The following MRTFB variants were observed in gnomAD, a reference collection of about 807,000 sequenced individuals.
MRTFB encodes myocardin related transcription factor B.
A neutral mutation model predicts 104.2 loss-of-function variants in MRTFB; 29 were observed. The ratio of observed to expected loss-of-function variants is 0.28; its 90% confidence interval spans 0.21 to 0.38. The LOEUF (loss-of-function observed/expected upper bound fraction) is 0.38, where lower values mean the gene tolerates loss of function less well. Among genes scored for constraint, MRTFB ranks in the 10% least tolerant of loss-of-function variants. The pLI is 1.00. For missense variants in MRTFB, 1,270 were observed against 1,341.6 expected, an observed-to-expected ratio of 0.95 and a Z score of 0.83; for synonymous variants, 535 against 519.5, an observed-to-expected ratio of 1.03 and a Z score of -0.41.
the MRTFB span, among the ~76,000 whole-genome samples, chr16:14,034,838 G>T: frequency 2.6e-5 from 4 of 152,194 alleles, no homozygotes; most frequent in African/African-American, 9.6e-5. Context: ...CTCTTGTGAG[G>T]ACACAATTCG....
At chr16:14,251,118 T>C (rs2043235139) in intron 13 of MRTFB, among the ~76,000 whole-genome samples, 1 of 152,098 alleles carries the variant, frequency 6.6e-6, no homozygotes, top group African/African-American at 2.4e-5. Flanking sequence ...GGCTCAAGCC[T>C]GTAATCCCAG....
chr16:14,161,780 A>G (rs959948390), intron 3 of MRTFB, among the ~76,000 whole-genome samples: 1 of 152,188 alleles, frequency 6.6e-6, no homozygotes, highest in Non-Finnish European at 1.5e-5. Context: ...GATACTTCAC[A>G]AAAGAGGATA....
At chr16:14,068,656 A>C (rs998015001), upstream of MRTFB, among the ~76,000 whole-genome samples, 1 of 152,052 alleles carries the variant, frequency 6.6e-6, no homozygotes, top group Non-Finnish European at 1.5e-5. Flanking sequence ...TGGTTTTCTC[A>C]TCTGTAAAAT....
rs138864259 is a variant in MRTFB at position 14,173,542 on chromosome 16, G to T, written c.154+32782G>T. 3.0e-3 allele frequency among the ~76,000 whole-genome samples: 464 copies of T among 152,198 alleles called. 2 individuals carry two copies. Among genetic ancestry groups the T allele is most frequent in the Middle Eastern group, 6.8e-3 (2 of 294 alleles). ...TTGAATTCTGTATGTGTTTGAATTT[G>T]CCCTACTTGAAGTTTGCCAGGTTTC... On this transcript the variant is annotated intron_variant, in intron 3 of 16. Coordinates refer to ENST00000571589, the MANE Select transcript of MRTFB (RefSeq NM_001308142.2).
chr16:14,173,312 A>G (rs951004173), intron 3 of MRTFB, among the ~76,000 whole-genome samples: 5 of 152,214 alleles, frequency 3.3e-5, no homozygotes, highest in Non-Finnish European at 7.4e-5. Flanking sequence ...AGAGAAACTG[A>G]CATCTTTATG....
At position 14,154,060 on chromosome 16, in the gene MRTFB, T is replaced by C. The variant is rs376674378; in HGVS notation, c.154+13300T>C. On this transcript the variant is annotated intron_variant, in intron 3 of 16. Coordinates refer to ENST00000571589, the MANE Select transcript of MRTFB (RefSeq NM_001308142.2). ...TTTAAAGTGAGTTTCTGGTTGGACA[T>C]TGTGGCTCATGCCTGTAATTTCAAC... Among the ~76,000 whole-genome samples, 9 of 152,334 alleles carry C rather than the reference T, an allele frequency of 5.9e-5. No homozygotes were observed. The South Asian group carries it at 1.9e-3, about 32-fold the overall frequency.
intron 2 of MRTFB, among the ~76,000 whole-genome samples, chr16:14,110,295 TAG>T (rs1438797005): frequency 1.3e-5 from 2 of 152,080 alleles, no homozygotes; most frequent in Non-Finnish European, 2.9e-5. Flanking sequence ...GGTTCCCTGG[TAG>T]AGTTTTTGAC....
intron 2 of MRTFB, among the ~76,000 whole-genome samples, chr16:14,126,326 C>T (rs1038773064): frequency 6.6e-6 from 1 of 152,050 alleles, no homozygotes; most frequent in Non-Finnish European, 1.5e-5. Flanking sequence ...TAATTTCAAC[C>T]TCTGTTACTT....
At chr16:14,244,912 C>T (rs2042946989) in intron 10 of MRTFB, among the ~76,000 whole-genome samples, 1 of 152,182 alleles carries the variant, frequency 6.6e-6, no homozygotes, top group Admixed American at 6.5e-5. Context: ...TTTAAGAAAT[C>T]TTTGTCTACC....
chr16:14,166,224 T>C (rs1029483564), intron 3 of MRTFB, among the ~76,000 whole-genome samples: 4 of 150,592 alleles, frequency 2.7e-5, no homozygotes, highest in East Asian at 1.9e-4. Flanking sequence ...TTTCTTTTTT[T>C]TTTTTTTTTT....
chr16:14,256,144 T>C (rs1329859065), intron 15 of MRTFB, among the ~76,000 whole-genome samples: 1 of 92,748 alleles, frequency 1.1e-5, no homozygotes, highest in Non-Finnish European at 2.1e-5. Context: ...AAAAATTAGA[T>C]ACAAAAATGT....
At position 14,240,499 on chromosome 16, in the gene MRTFB, A is replaced by C. The variant is rs749177352; in HGVS notation, c.1079+15A>C. 12 of 1,614,092 alleles carry C rather than the reference A, an allele frequency of 7.4e-6. No individual in the cohort carries two copies. In the Admixed American group the frequency reaches 1.8e-4, roughly 25 times the overall value. Reference sequence around the variant, plus strand: ...GCACCATTCAAGTACGGCGGGGCCCATGCTATCCTCAACGCGGGGTTTTCT... The same window carrying C: ...GCACCATTCAAGTACGGCGGGGCCCCTGCTATCCTCAACGCGGGGTTTTCT... On this transcript the variant is annotated intron_variant, in intron 10 of 16. Transcript: ENST00000571589.
At chr16:14,015,442 T>C in the MRTFB span, among the ~76,000 whole-genome samples, 1 of 152,088 alleles carries the variant, frequency 6.6e-6, no homozygotes, top group Non-Finnish European at 1.5e-5. Context: ...TTATCATTAC[T>C]CAGAAAGAGA....
At chr16:14,234,484 C>T (rs1311234794) in intron 9 of MRTFB, among the ~76,000 whole-genome samples, 5 of 152,156 alleles carry the variant, frequency 3.3e-5, no homozygotes, top group Admixed American at 1.3e-4. Context: ...AAAAATGGCA[C>T]AAATTTTGGT....
intron 3 of MRTFB, chr16:14,200,320 A>G: frequency 1.2e-6 from 2 of 1,606,674 alleles, no homozygotes; most frequent in Non-Finnish European, 1.7e-6. Context: ...TGCTGCGCTG[A>G]CGTGGCTCCC....
intron 8 of MRTFB, among the ~76,000 whole-genome samples, chr16:14,230,134 A>G (rs889023164): frequency 1.3e-5 from 2 of 152,194 alleles, no homozygotes; most frequent in Admixed American, 1.3e-4. Flanking sequence ...AATTAATTCA[A>G]GATGGATTAA....
At chr16:14,009,995 C>G in the MRTFB span, among the ~76,000 whole-genome samples, 4 of 152,172 alleles carry the variant, frequency 2.6e-5, no homozygotes, top group African/African-American at 9.7e-5. Context: ...AACAGAAACC[C>G]TCTTCCTTTT....
the MRTFB span, among the ~76,000 whole-genome samples, chr16:14,012,590 G>A: frequency 2.9e-4 from 44 of 152,164 alleles, no homozygotes; most frequent in East Asian, 6.0e-3. Context: ...GAGCCACCGC[G>A]CCCGGCTGAC....
At chr16:14,110,214 CCTTGAAGCCCTGGTG>C (rs1440204062) in intron 2 of MRTFB, among the ~76,000 whole-genome samples, 4 of 152,318 alleles carry the variant, frequency 2.6e-5, no homozygotes, top group Admixed American at 2.0e-4. Flanking sequence ...AGACCAGCAG[CCTTGAAGCCCTGGTG>C]GCTGAGAGCT....
Sources: allele counts gnomAD v4.1 joint callset (sites outside exome capture counted in the v4.1 genomes callset), GRCh38; gene constraint gnomAD v4.1.1; transcripts MANE v1.5; gene names NCBI Gene and HGNC (gene_info 2026-07-23, HGNC 2026-07-21).